Variants in STK35 observed in about 807,000 individuals in gnomAD.
STK35 encodes serine/threonine kinase 35, also known as serine/threonine-protein kinase 35.
STK35 carries 17 observed loss-of-function variants against 37.3 expected under a neutral mutation model. The observed-to-expected ratio is 0.46, with a 90% CI of 0.31 to 0.68. The LOEUF (loss-of-function observed/expected upper bound fraction) is 0.68. Among genes scored for constraint, STK35 ranks in the 30% least tolerant of loss-of-function variants. STK35 has a pLI of 0.05. For synonymous variants in STK35, 385 were observed against 319.1 expected (o/e 1.21, Z -2.20); for missense variants, 595 against 746.7 (o/e 0.80, Z 2.37).
chr20:2,125,958 CA>C (rs1985898234), intron 3 of STK35, among the ~76,000 whole-genome samples: 1 of 152,222 alleles, frequency 6.6e-6, no homozygotes, highest in African/African-American at 2.4e-5. Context: ...GAAAGGGCTC[CA>C]ATAAGAGCCA....
intron 3 of STK35, among the ~76,000 whole-genome samples, chr20:2,128,711 A>G (rs1600614417): frequency 6.6e-6 from 1 of 152,278 alleles, no homozygotes; most frequent in South Asian, 2.1e-4. Context: ...CAGGGCAACC[A>G]CAGGATTCCT....
At chr20:2,141,614 A>G (rs1250573443) in intron 3 of STK35, among the ~76,000 whole-genome samples, 1 of 152,238 alleles carries the variant, frequency 6.6e-6, no homozygotes, top group African/African-American at 2.4e-5. Flanking sequence ...GTGTGTGTTC[A>G]TTATTAAAAA....
rs1985485202 is a variant in STK35 at position 2,104,913 on chromosome 20, G to T, written c.892+1548G>T. ...CACGACTGTAATCCCAGCACTTTGG[G>T]AGGCTGAGGTGGGAGGATGGCTTGA... is the stretch of plus-strand genomic sequence containing the variant. On this transcript the variant is annotated intron_variant, in intron 2 of 3. Coordinates refer to ENST00000381482, the MANE Select transcript of STK35 (RefSeq NM_080836.4). Among the ~76,000 whole-genome samples the T allele has an allele frequency of 2.0e-5, 3 of 152,070 alleles. No individual in the cohort carries two copies. The South Asian group carries it at 6.2e-4, about 32-fold the overall frequency.
intron 2 of STK35, among the ~76,000 whole-genome samples, chr20:2,106,099 A>G (rs1220789436): frequency 1.3e-5 from 2 of 152,208 alleles, no homozygotes; most frequent in African/African-American, 2.4e-5. Context: ...GTAAATAGGT[A>G]ATCATTTTTG....
chr20:2,109,450 C>G (rs1273110800), intron 2 of STK35, among the ~76,000 whole-genome samples: 1 of 152,214 alleles, frequency 6.6e-6, no homozygotes, highest in Admixed American at 6.5e-5. Flanking sequence ...TTTTCATACT[C>G]CTTTTCTCAT....
In STK35 at chr20:2,148,219, G is replaced by T. The variant is rs867672819; in HGVS notation, c.*4473G>T. The T allele has an allele frequency of 6.6e-6, 1 of 152,644 alleles. No individual in the cohort carries two copies. The highest frequency in any genetic ancestry group is 1.5e-5 in the Non-Finnish European group (1 of 68,042). The allele number at this position is 152,644 out of a possible 1,614,324, so 9.5% of individuals were successfully genotyped here. ...TTTCATCAGAGCCGGGGAGTACATT[G>T]CAGTGACTTCTTAAACATTTGTGTG... On this transcript the variant is annotated 3_prime_UTR_variant, in exon 4 of 4. Coordinates refer to ENST00000381482, the MANE Select transcript of STK35 (RefSeq NM_080836.4).
At chr20:2,138,430 C>A (rs574314013) in intron 3 of STK35, among the ~76,000 whole-genome samples, 3 of 152,314 alleles carry the variant, frequency 2.0e-5, no homozygotes, top group African/African-American at 7.2e-5. Flanking sequence ...GAATTCTTCA[C>A]TCTTCACAGC....
At chr20:2,127,124 T>G (rs1053258815) in intron 3 of STK35, among the ~76,000 whole-genome samples, 10 of 152,174 alleles carry the variant, frequency 6.6e-5, no homozygotes, top group Non-Finnish European at 1.5e-4. Context: ...TGTTATATCG[T>G]GTTGGGTTTT....
At chr20:2,141,049 A>T (rs1357881335) in intron 3 of STK35, among the ~76,000 whole-genome samples, 2 of 152,316 alleles carry the variant, frequency 1.3e-5, no homozygotes, top group East Asian at 3.9e-4. Context: ...AGCACATCAC[A>T]TGTGGCTGTA....
rs896406854 is a variant in STK35 at position 2,145,321 on chromosome 20, A to G, written c.*1575A>G. 3 of 152,182 alleles carry G rather than the reference A, an allele frequency of 2.0e-5. No homozygotes were observed. Among genetic ancestry groups the G allele is most frequent in the Admixed American group, 1.3e-4 (2 of 15,270 alleles). The allele number at this position is 152,182 out of a possible 1,614,324, so 9.4% of individuals were successfully genotyped here. On this transcript the variant is annotated 3_prime_UTR_variant, in exon 4 of 4. Transcript: ENST00000381482. ...TAGGGCCACTGGGGAGGGGGAAGGG[A>G]ATCATTTTGTGTTCATTTTTGTTTT... is the stretch of plus-strand genomic sequence containing the variant.
rs1341410822 is a variant in STK35 at position 2,123,076 on chromosome 20, AGGGAGAGTGTTGT to A, written c.*37+5666_*37+5678del. Among the ~76,000 whole-genome samples the A allele has an allele frequency of 2.6e-5, 4 of 152,248 alleles. No individual in the cohort carries two copies. The East Asian group carries it at 7.7e-4, about 29-fold the overall frequency. ...CAGGTGCCTCCGCCCACGTGTTACC[AGGGAGAGTGTTGT>A]GGGATGAGGGAATCTGCATTCATGG... On this transcript the variant is annotated intron_variant, in intron 3 of 3. Transcript: ENST00000381482.
At chr20:2,103,509 G>C (rs983286544) in intron 2 of STK35, 144 bp downstream of exon 2, 1 of 760,684 alleles carries the variant, frequency 1.3e-6, no homozygotes, top group East Asian at 2.9e-5. Context: ...CCTTTCCTGG[G>C]CCCAGGCATT....
intron 3 of STK35, among the ~76,000 whole-genome samples, chr20:2,124,606 T>C (rs1356150862): frequency 1.3e-5 from 2 of 152,146 alleles, no homozygotes; most frequent in Non-Finnish European, 1.5e-5. Flanking sequence ...TCCCTGCCCA[T>C]ATAGTAGGGG....
At position 2,117,940 on chromosome 20, in the gene STK35, A is replaced by G. The variant is rs1014080955; in HGVS notation, c.*37+525A>G. Among the ~76,000 whole-genome samples the G allele has an allele frequency of 6.6e-6, 1 of 152,240 alleles. No individual in the cohort carries two copies. The highest frequency in any genetic ancestry group is 2.4e-5 in the African/African-American group (1 of 41,466). ...TTGGAAAGTCTAGAGAAGTCTTCTC[A>G]GAGGAGGTTGCGTTTAAGCCGAGTC... On this transcript the variant is annotated intron_variant, in intron 3 of 3. Transcript: ENST00000381482. The surrounding 1 kb of genome is among the most constrained non-coding windows in gnomAD (Gnocchi z 4.4).
At chr20:2,116,103 A>G (rs1005913791) in intron 2 of STK35, among the ~76,000 whole-genome samples, 2 of 152,134 alleles carry the variant, frequency 1.3e-5, no homozygotes, top group Admixed American at 6.6e-5. Context: ...TGTGCTAGGC[A>G]TGTGGTGGGC....
At chr20:2,112,057 A>G (rs1345695726) in intron 2 of STK35, among the ~76,000 whole-genome samples, 1 of 152,208 alleles carries the variant, frequency 6.6e-6, no homozygotes, top group Non-Finnish European at 1.5e-5. Context: ...CCCTCAGCTC[A>G]CCGCACCTCT....
chr20:2,123,664 C>T (rs766257017), intron 3 of STK35, among the ~76,000 whole-genome samples: 7 of 152,156 alleles, frequency 4.6e-5, no homozygotes, highest in East Asian at 1.9e-4. Context: ...AAAAGAAATG[C>T]GTAATTAACA....
intron 3 of STK35, among the ~76,000 whole-genome samples, chr20:2,119,386 G>C (rs1258712846): frequency 1.3e-5 from 2 of 152,202 alleles, no homozygotes; most frequent in South Asian, 4.1e-4. Flanking sequence ...GAGGAAGTAG[G>C]CATGTGGAAA....
At chr20:2,105,794 T>C (rs1985504521) in intron 2 of STK35, among the ~76,000 whole-genome samples, 2 of 152,206 alleles carry the variant, frequency 1.3e-5, no homozygotes, top group Non-Finnish European at 2.9e-5. Flanking sequence ...CCCAAACTTG[T>C]TTCATCATAG....
Sources: gnomAD v4.1 joint callset for allele counts (sites outside exome capture counted in the v4.1 genomes callset) on GRCh38, gnomAD v4.1.1 for gene constraint, Gnocchi (gnomAD v3.1) non-coding constraint, MANE v1.5 for transcripts, NCBI Gene and HGNC (gene_info 2026-07-23, HGNC 2026-07-21) for gene names.